The following GHR variants were observed in gnomAD, a reference collection of about 807,000 sequenced individuals.
GHR encodes the protein GH receptor.
In GHR, 35 loss-of-function variants were observed where a neutral mutation model predicts 67.1. The ratio of observed to expected loss-of-function variants is 0.52; its 90% CI spans 0.40 to 0.69. The LOEUF is 0.69. Ranked by LOEUF, GHR falls within the 30% of genes least tolerant of loss-of-function variation. The pLI is 0.00. For missense variants in GHR, 792 were observed against 764.6 expected, an observed-to-expected ratio of 1.04 and a Z score of -0.42; for synonymous variants, 272 against 269.1, an observed-to-expected ratio of 1.01 and a Z score of -0.10.
chr5:42,473,419 T>G (rs1703655398), intron 1 of GHR, among the ~76,000 whole-genome samples: 1 of 152,126 alleles, frequency 6.6e-6, no homozygotes, highest in African/African-American at 2.4e-5. Flanking sequence ...ATAGAAATAA[T>G]TTGTATGCTA....
At chr5:42,707,722 G>A (rs574120500) in intron 6 of GHR, among the ~76,000 whole-genome samples, 3 of 151,718 alleles carry the variant, frequency 2.0e-5, no homozygotes, top group Non-Finnish European at 2.9e-5. Flanking sequence ...GCTATAATAG[G>A]CTATTTTAAC....
intron 1 of GHR, among the ~76,000 whole-genome samples, chr5:42,540,498 G>GA (rs1019934118): frequency 2.0e-5 from 3 of 151,940 alleles, no homozygotes; most frequent in Admixed American, 2.0e-4. Context: ...TACATATTGA[G>GA]AAAAAAACAT....
chr5:42,644,196 A>T (rs1466038517), intron 3 of GHR, among the ~76,000 whole-genome samples: 1 of 152,194 alleles, frequency 6.6e-6, no homozygotes, highest in Non-Finnish European at 1.5e-5. Context: ...ACATGATATT[A>T]TATGTCTCCT....
intron 1 of GHR, among the ~76,000 whole-genome samples, chr5:42,536,612 G>A (rs1002467550): frequency 2.6e-5 from 4 of 152,036 alleles, no homozygotes; most frequent in East Asian, 1.9e-4. Flanking sequence ...CAAGGATATC[G>A]GTCTGTAGTT....
intron 8 of GHR, among the ~76,000 whole-genome samples, chr5:42,715,940 C>A (rs1229257607): frequency 6.6e-6 from 1 of 152,174 alleles, no homozygotes; most frequent in African/African-American, 2.4e-5. Context: ...CTCTGCATGA[C>A]CTGCTTGGGC....
At chr5:42,670,197 G>A (rs1283351272) in intron 3 of GHR, among the ~76,000 whole-genome samples, 1 of 152,166 alleles carries the variant, frequency 6.6e-6, no homozygotes, top group African/African-American at 2.4e-5. Context: ...AAACAGAATA[G>A]TGAGCCCAGA....
rs138196003 is a variant in GHR, at chr5:42,698,682, C to T, written c.440-1142C>T. On this transcript the variant is annotated intron_variant, in intron 5 of 9. Transcript: ENST00000230882. ...CAACAGATTTGACAGCCAGTAAGAG[C>T]TCCTCACTGTGTATATCTGTAAAGT... 2.1e-3 allele frequency among the ~76,000 whole-genome samples: 325 copies of T among 152,282 alleles called. 3 individuals are homozygous for T. The highest frequency in any genetic ancestry group is 0.016 in the East Asian group (85 of 5,188).
intron 3 of GHR, among the ~76,000 whole-genome samples, chr5:42,630,746 G>A (rs1437820954): frequency 7.6e-6 from 1 of 131,888 alleles, no homozygotes; most frequent in Non-Finnish European, 1.6e-5. Context: ...TATTCTGTAA[G>A]GAAATGAGAA....
chr5:42,428,278 T>A (rs192905842), intron 1 of GHR, among the ~76,000 whole-genome samples: 1 of 152,324 alleles, frequency 6.6e-6, no homozygotes, highest in Non-Finnish European at 1.5e-5. Context: ...TTTGCAGCCA[T>A]GGCCTGAGCT....
intron 4 of GHR, among the ~76,000 whole-genome samples, chr5:42,689,932 A>T (rs915299052): frequency 1.6e-4 from 25 of 152,344 alleles, no homozygotes; most frequent in African/African-American, 5.8e-4. Flanking sequence ...AAAATAACAG[A>T]GGAAGGGTGA....
chr5:42,688,443 C>T (rs758372201), intron 3 of GHR, among the ~76,000 whole-genome samples: 17 of 152,302 alleles, frequency 1.1e-4, no homozygotes, highest in Admixed American at 6.5e-4. Context: ...ATATTCTACA[C>T]AGCTTCTCAA....
intron 2 of GHR, among the ~76,000 whole-genome samples, chr5:42,570,509 A>T (rs1300052510): frequency 6.6e-6 from 1 of 152,192 alleles, no homozygotes; most frequent in African/African-American, 2.4e-5. Context: ...GAGGAATTTC[A>T]TGTATTTATT....
chr5:42,704,250 G>T (rs1579645101), intron 6 of GHR, among the ~76,000 whole-genome samples: 2 of 151,566 alleles, frequency 1.3e-5, no homozygotes, highest in East Asian at 3.9e-4. Flanking sequence ...AATTGTTAAG[G>T]GTTTTTATCA....
intron 1 of GHR, among the ~76,000 whole-genome samples, chr5:42,446,864 C>T (rs538375372): frequency 2.6e-5 from 4 of 152,198 alleles, no homozygotes; most frequent in South Asian, 2.1e-4. Context: ...AAGTGAACAC[C>T]GCACTTCTTT....
intron 1 of GHR, among the ~76,000 whole-genome samples, chr5:42,478,940 A>G (rs540859389): frequency 6.6e-6 from 1 of 152,318 alleles, no homozygotes; most frequent in African/African-American, 2.4e-5. Flanking sequence ...GAGTGGTGAG[A>G]AAGGGCATCC....
At chr5:42,510,104 C>T (rs1197544645) in intron 1 of GHR, among the ~76,000 whole-genome samples, 3 of 152,150 alleles carry the variant, frequency 2.0e-5, no homozygotes, top group African/African-American at 7.2e-5. Flanking sequence ...TGGTGACATT[C>T]CATCCTTTGG....
intron 1 of GHR, among the ~76,000 whole-genome samples, chr5:42,561,430 A>G (rs1357606429): frequency 1.3e-5 from 2 of 152,242 alleles, no homozygotes; most frequent in Admixed American, 1.3e-4. Context: ...AGCATGAAAC[A>G]TATTGTTTTC....
Position 42,679,177 on chromosome 5 carries a change from A to G in GHR, c.137-9713A>G, listed in dbSNP as rs1445482017. ...TATTATATATTAATTAATATATTAT[A>G]TATTGTATATTATATATTAATAACA... is the stretch of plus-strand genomic sequence containing the variant. On this transcript the variant is annotated intron_variant, in intron 3 of 9. Transcript: ENST00000230882. Among the ~76,000 whole-genome samples, 9 of 145,752 alleles carry G rather than the reference A, an allele frequency of 6.2e-5. No homozygotes were observed. In the East Asian group the frequency reaches 1.4e-3, roughly 22 times the overall value.
chr5:42,510,865 G>A (rs1436661658), intron 1 of GHR, among the ~76,000 whole-genome samples: 2 of 152,186 alleles, frequency 1.3e-5, no homozygotes, highest in Non-Finnish European at 2.9e-5. Flanking sequence ...CTGGGTGCAG[G>A]CGCTCATCTT....
Sources: gnomAD v4.1 joint callset for allele counts (sites outside exome capture counted in the v4.1 genomes callset) on GRCh38, gnomAD v4.1.1 for gene constraint, MANE v1.5 for transcripts, NCBI Gene and HGNC (gene_info 2026-07-23, HGNC 2026-07-21) for gene names.